SMYD3: variants seen among roughly 807,000 people sequenced by gnomAD.
The protein encoded by SMYD3 is histone-lysine N-methyltransferase SMYD3.
Under a neutral mutation model 57.7 loss-of-function variants are expected in SMYD3, and 36 were observed. The ratio of observed to expected loss-of-function variants is 0.62; its 90% CI spans 0.48 to 0.82. SMYD3 has a LOEUF of 0.82. Ranked by LOEUF, SMYD3 falls within the 40% of genes least tolerant of loss-of-function variation. SMYD3 has a pLI of 0.00. For missense variants in SMYD3, 515 were observed against 538.8 expected (o/e 0.96, Z 0.44); for synonymous variants, 211 against 195.0 (o/e 1.08, Z -0.68).
chr1:246,232,281 T>TACATA (rs1228427853), intron 5 of SMYD3, among the ~76,000 whole-genome samples: 2 of 152,186 alleles, frequency 1.3e-5, no homozygotes, highest in Non-Finnish European at 1.5e-5. Context: ...TACATAATAC[T>TACATA]GTAACCACGG....
chr1:246,287,282 AAT>A (rs2064588350), intron 5 of SMYD3, among the ~76,000 whole-genome samples: 1 of 152,216 alleles, frequency 6.6e-6, no homozygotes, highest in Non-Finnish European at 1.5e-5. Flanking sequence ...AATATTTTCT[AAT>A]ATATATAGTT....
chr1:246,118,555 T>A (rs2061375567), intron 5 of SMYD3, among the ~76,000 whole-genome samples: 1 of 152,214 alleles, frequency 6.6e-6, no homozygotes, highest in African/African-American at 2.4e-5. Context: ...TGGGAAACAT[T>A]AAACGCACAA....
At chr1:246,403,021 G>A (rs938151568) in intron 1 of SMYD3, among the ~76,000 whole-genome samples, 4 of 152,110 alleles carry the variant, frequency 2.6e-5, no homozygotes, top group African/African-American at 4.8e-5. Context: ...CATTCTACCC[G>A]AACTGTCCAT....
intron 6 of SMYD3, 77 bp from the exon 7 acceptor site, chr1:245,928,110 A>AAT: frequency 8.7e-7 from 1 of 1,147,312 alleles, no homozygotes; most frequent in Non-Finnish European, 1.3e-6. Context: ...CAGTGGGTAA[A>AAT]ATACACCTTC....
intron 5 of SMYD3, among the ~76,000 whole-genome samples, chr1:245,944,694 GC>G (rs1249380807): frequency 1.3e-5 from 2 of 152,148 alleles, no homozygotes; most frequent in African/African-American, 4.8e-5. Context: ...ACAATCCTAA[GC>G]AAAAAGAACA....
chr1:246,260,397 C>T (rs1445287926), intron 5 of SMYD3, among the ~76,000 whole-genome samples: 5 of 152,122 alleles, frequency 3.3e-5, no homozygotes, highest in South Asian at 2.1e-4. Flanking sequence ...GTGTCCCTCA[C>T]GATTCCAGTG....
At chr1:246,363,179 C>T (rs1232296960) in intron 1 of SMYD3, among the ~76,000 whole-genome samples, 112 of 146,656 alleles carry the variant, frequency 7.6e-4, no homozygotes, top group African/African-American at 2.3e-3. Flanking sequence ...GGAGCCCCTC[C>T]GCCCGGCAGC....
intron 5 of SMYD3, among the ~76,000 whole-genome samples, chr1:245,933,413 T>C (rs2056832835): frequency 6.6e-6 from 1 of 152,244 alleles, no homozygotes; most frequent in South Asian, 2.1e-4. Flanking sequence ...TAAATTGTTT[T>C]ATTATTGAAT....
chr1:246,180,795 A>AAAAAAAAC (rs2062537333), intron 5 of SMYD3, among the ~76,000 whole-genome samples: 1 of 104,724 alleles, frequency 9.5e-6, no homozygotes, highest in African/African-American at 3.6e-5. Context: ...AAAAAAAAAA[A>AAAAAAAAC]AACAACTCAG....
intron 8 of SMYD3, among the ~76,000 whole-genome samples, chr1:245,899,680 G>A (rs1185946208): frequency 6.6e-6 from 1 of 152,124 alleles, no homozygotes; most frequent in Non-Finnish European, 1.5e-5. Context: ...CAGATATTTG[G>A]TCAAACATTA....
intron 1 of SMYD3, among the ~76,000 whole-genome samples, chr1:246,458,245 A>G (rs536201310): frequency 6.6e-6 from 1 of 152,256 alleles, no homozygotes; most frequent in East Asian, 1.9e-4. Context: ...AAAGTGAAGA[A>G]AGGTCAAAAG....
intron 5 of SMYD3, among the ~76,000 whole-genome samples, chr1:246,223,370 C>T (rs116519737): frequency 1.5e-3 from 230 of 152,190 alleles, no homozygotes; most frequent in Non-Finnish European, 2.5e-3. Flanking sequence ...AGAGCGATGC[C>T]TTGATTTTGG....
At chr1:246,300,569 T>G (rs1283570208) in intron 5 of SMYD3, among the ~76,000 whole-genome samples, 1 of 152,126 alleles carries the variant, frequency 6.6e-6, no homozygotes, top group Non-Finnish European at 1.5e-5. Context: ...AATTTTCAAA[T>G]GCCTCTGTGC....
chr1:246,118,574 G>A (rs550918778), intron 5 of SMYD3, among the ~76,000 whole-genome samples: 108 of 152,282 alleles, frequency 7.1e-4, no homozygotes, highest in East Asian at 3.5e-3. Context: ...AAACTGTGGC[G>A]TGTTCGTTTC....
chr1:246,332,458 G>A (rs1354145327), intron 3 of SMYD3, among the ~76,000 whole-genome samples: 1 of 152,244 alleles, frequency 6.6e-6, no homozygotes, highest in Non-Finnish European at 1.5e-5. Context: ...GAAGCTGGAA[G>A]TTAACAGAGG....
intron 5 of SMYD3, among the ~76,000 whole-genome samples, chr1:246,125,783 G>C (rs1012800689): frequency 6.6e-6 from 1 of 152,010 alleles, no homozygotes; most frequent in Non-Finnish European, 1.5e-5. Context: ...ACAAATATGG[G>C]CAATATGGCT....
chr1:246,416,608 G>A (rs1283915889), intron 1 of SMYD3, among the ~76,000 whole-genome samples: 1 of 151,654 alleles, frequency 6.6e-6, no homozygotes, highest in Non-Finnish European at 1.5e-5. Context: ...AAGTAAAGGG[G>A]GAAAATAAAG....
chr1:246,161,214 A>G (rs1038873420), intron 5 of SMYD3, among the ~76,000 whole-genome samples: 1 of 152,164 alleles, frequency 6.6e-6, no homozygotes. Context: ...GCCAAGCATG[A>G]CAGACTGTCT....
intron 5 of SMYD3, among the ~76,000 whole-genome samples, chr1:245,991,269 G>A (rs1272115318): frequency 2.0e-5 from 3 of 152,072 alleles, no homozygotes; most frequent in Admixed American, 1.3e-4. Flanking sequence ...GGCAGGTGTG[G>A]AAAAAAATTT....
Sources: allele counts gnomAD v4.1 joint callset (sites outside exome capture counted in the v4.1 genomes callset), GRCh38; gene constraint gnomAD v4.1.1; transcripts MANE v1.5; gene names NCBI Gene and HGNC (gene_info 2026-07-23, HGNC 2026-07-21).